The following PLAGL1 variants were observed in gnomAD, a reference collection of about 807,000 sequenced individuals.
PLAGL1 encodes the protein PLAG1 like zinc finger 1, also known as zinc finger protein PLAGL1.
PLAGL1 carries 1 observed loss-of-function variant against 4.6 expected under a neutral mutation model. That is an observed-to-expected ratio of 0.22 (90% confidence interval 0.08 to 1.03). PLAGL1 has a LOEUF of 1.03. PLAGL1 is among the 50% of genes least tolerant of loss of function. The pLI is 0.58. For synonymous variants in PLAGL1, 240 were observed against 237.8 expected, an observed-to-expected ratio of 1.01 and a Z score of -0.08; for missense variants, 464 against 570.4, an observed-to-expected ratio of 0.81 and a Z score of 1.90.
intron 1 of PLAGL1, among the ~76,000 whole-genome samples, chr6:143,999,386 CA>C (rs1458912974): frequency 6.6e-6 from 1 of 152,098 alleles, no homozygotes; most frequent in Non-Finnish European, 1.5e-5. Flanking sequence ...AATGACTCTC[CA>C]AATATTCCAA....
chr6:143,993,331 A>AACACAC (rs746624620), intron 1 of PLAGL1, among the ~76,000 whole-genome samples: 6,347 of 142,266 alleles, frequency 0.045, 147 homozygotes, highest in African/African-American at 0.054. Flanking sequence ...AACAAAACAA[A>AACACAC]ACACACACAC....
chr6:144,019,854 T>C (rs1437838318), intron 1 of PLAGL1, among the ~76,000 whole-genome samples: 2 of 151,872 alleles, frequency 1.3e-5, no homozygotes, highest in African/African-American at 2.4e-5. Context: ...GTTCCTTTAT[T>C]CAAGCTGGTA....
chr6:144,050,519 T>C lies in PLAGL1; in HGVS notation c.-151+13949A>G, dbSNP rs1026056457. Among the ~76,000 whole-genome samples the C allele has an allele frequency of 1.3e-5, 2 of 152,238 alleles. No individual in the cohort carries two copies. Among genetic ancestry groups the C allele is most frequent in the African/African-American group, 2.4e-5 (1 of 41,464 alleles). On this transcript the variant is annotated intron_variant, in intron 1 of 3. Coordinates refer to the PLAGL1 transcript ENST00000437412. This position sits in a 1 kb window ranked among gnomAD's most constrained non-coding sequence, Gnocchi z 4.3. Reference sequence around the variant, plus strand: ...TGTCTCTTCTCTATGTTTATGTCTCTATTATTACATTATAGGCTTATTCTA... The same window carrying C: ...TGTCTCTTCTCTATGTTTATGTCTCCATTATTACATTATAGGCTTATTCTA...
At chr6:143,986,213 A>G (rs1381902625) in intron 1 of PLAGL1, among the ~76,000 whole-genome samples, 1 of 151,922 alleles carries the variant, frequency 6.6e-6, no homozygotes, top group African/African-American at 2.4e-5. Flanking sequence ...AGATGTTTTG[A>G]TGTCATCATT....
rs898364106 is a variant in PLAGL1, at chr6:144,050,380, G to A, written c.-151+14088C>T. 1.3e-5 allele frequency among the ~76,000 whole-genome samples: 2 copies of A among 152,154 alleles called. No homozygotes were observed. The highest frequency in any genetic ancestry group is 4.8e-5 in the African/African-American group (2 of 41,426). On this transcript the variant is annotated intron_variant, in intron 1 of 3. Transcript: ENST00000437412. This position sits in a 1 kb window ranked among gnomAD's most constrained non-coding sequence, Gnocchi z 4.3. ...AGAAGGTCTTTGATACCAGCAACCA[G>A]GGCTTGCTCGGCTTTCCTGCCCAAA...
At chr6:144,007,563 C>T (rs1794523102) in intron 1 of PLAGL1, 1 of 152,198 alleles carries the variant, frequency 6.6e-6, no homozygotes, top group African/African-American at 2.4e-5. Flanking sequence ...CGGAGACTAA[C>T]AGAAGTCGCA....
intron 1 of PLAGL1, among the ~76,000 whole-genome samples, chr6:144,040,051 G>T (rs547960444): frequency 6.6e-6 from 1 of 152,138 alleles, no homozygotes; most frequent in South Asian, 2.1e-4. Flanking sequence ...GATGAACAAG[G>T]TTAGAAAATG....
At chr6:143,977,119 G>A (rs1416358415) in intron 2 of PLAGL1, among the ~76,000 whole-genome samples, 2 of 125,560 alleles carry the variant, frequency 1.6e-5, no homozygotes, top group Non-Finnish European at 3.2e-5. Flanking sequence ...CTCCATTATC[G>A]ACATCCCCCA....
Position 143,942,514 on chromosome 6 carries a change from T to G in PLAGL1, c.302A>C (p.Asn101Thr), listed in dbSNP as rs746660705. ...GTGCCTCTTATAGCCCAGCATGGTG[T>G]TGTACTTCTTCCCACACTCCTCACA... ...FGCEECGKKY[N>T]TMLGYKRHLA... Residue 101 changes from asparagine to threonine, a missense_variant, in exon 8 of 8, where the codon AAC (asparagine) becomes ACC (threonine). Around this residue, in one of 4 missense-constraint regions of PLAGL1, gnomAD observed 161 missense variants for 196.7 expected, o/e 0.82. Transcript: ENST00000674357. This position sits in a 1 kb window ranked among gnomAD's most constrained non-coding sequence, Gnocchi z 7.6. The G allele has an allele frequency of 5.6e-6, 9 of 1,613,974 alleles. No homozygotes were observed. In the East Asian group the frequency reaches 1.1e-4, roughly 20 times the overall value.
At chr6:144,030,842 TG>T (rs1796769124) in intron 1 of PLAGL1, among the ~76,000 whole-genome samples, 1 of 152,246 alleles carries the variant, frequency 6.6e-6, no homozygotes, top group African/African-American at 2.4e-5. Flanking sequence ...TCTTTTCCTC[TG>T]GGTAGATACC....
rs1793888433 is a variant in PLAGL1, at chr6:144,005,141, A to G, written c.-584+2949T>C. ...AACCATAAAGCAATTCTCGAATTTCAAAGAATTGTTGGCCTTGACACGTAT... is the reference window on the plus strand; with the variant it reads ...AACCATAAAGCAATTCTCGAATTTCGAAGAATTGTTGGCCTTGACACGTAT... On this transcript the variant is annotated intron_variant, in intron 1 of 7. Coordinates refer to ENST00000674357, the MANE Select transcript of PLAGL1 (RefSeq NM_001317162.2). This position sits in a 1 kb window ranked among gnomAD's most constrained non-coding sequence, Gnocchi z 4.6. 6.6e-6 allele frequency: 1 copy of G among 152,106 alleles called. No homozygotes were observed. Among genetic ancestry groups the G allele is most frequent in the Non-Finnish European group, 1.5e-5 (1 of 67,988 alleles). The allele number at this position is 152,106 out of a possible 1,614,324, so 9.4% of individuals were successfully genotyped here.
In PLAGL1 at chr6:143,970,099, T is replaced by C. The variant is rs1352512579; in HGVS notation, c.-543-1121A>G. On this transcript the variant is annotated intron_variant, in intron 2 of 7. Transcript: ENST00000674357. The surrounding 1 kb of genome is among the most constrained non-coding windows in gnomAD (Gnocchi z 5.8). ...AGTGCAATCCAATTGGATGAATACT[T>C]GAGCACCAACCCTAAGTAACCTCCT... Among the ~76,000 whole-genome samples the C allele has an allele frequency of 2.0e-5, 3 of 152,248 alleles. No individual in the cohort carries two copies. Among genetic ancestry groups the C allele is most frequent in the African/African-American group, 7.2e-5 (3 of 41,470 alleles).
At chr6:144,060,708 T>C (rs892335707) in intron 1 of PLAGL1, among the ~76,000 whole-genome samples, 7 of 152,214 alleles carry the variant, frequency 4.6e-5, no homozygotes, top group African/African-American at 1.7e-4. Context: ...ATTCACACTT[T>C]TCCATTCCAA....
chr6:144,062,089 C>T (rs968155546), intron 1 of PLAGL1, among the ~76,000 whole-genome samples: 2 of 152,088 alleles, frequency 1.3e-5, no homozygotes, highest in Admixed American at 1.3e-4. Flanking sequence ...AAAAAACAGA[C>T]ATCATGGGCC....
intron 1 of PLAGL1, among the ~76,000 whole-genome samples, chr6:144,030,254 C>G (rs1289276108): frequency 2.2e-5 from 1 of 44,560 alleles, no homozygotes; most frequent in Non-Finnish European, 3.9e-5. Context: ...GACTCCGTCT[C>G]AAAAAAAAAA....
chr6:144,060,950 G>T (rs1799343493), intron 1 of PLAGL1, among the ~76,000 whole-genome samples: 1 of 152,160 alleles, frequency 6.6e-6, no homozygotes, highest in African/African-American at 2.4e-5. Context: ...AAGTTAGAGG[G>T]GTTCCCCCTT....
At chr6:144,003,290 T>C (rs904084659) in intron 1 of PLAGL1, among the ~76,000 whole-genome samples, 6 of 151,964 alleles carry the variant, frequency 3.9e-5, no homozygotes, top group Non-Finnish European at 1.5e-5. Flanking sequence ...CAGCTAAAAC[T>C]ATAAAGTTTC....
At chr6:143,998,675 C>T (rs1170589696) in intron 1 of PLAGL1, among the ~76,000 whole-genome samples, 1 of 151,788 alleles carries the variant, frequency 6.6e-6, no homozygotes, top group Non-Finnish European at 1.5e-5. Context: ...TTAACAAGGG[C>T]TATAGATTAT....
intron 1 of PLAGL1, among the ~76,000 whole-genome samples, chr6:144,060,845 C>A (rs1175071855): frequency 1.3e-5 from 2 of 152,218 alleles, no homozygotes; most frequent in African/African-American, 4.8e-5. Flanking sequence ...AATATTATTT[C>A]TGACACCAGA....
Sources: allele counts gnomAD v4.1 joint callset (sites outside exome capture counted in the v4.1 genomes callset), GRCh38; gene constraint gnomAD v4.1.1; regional missense constraint gnomAD v4.1.1; non-coding constraint Gnocchi (gnomAD v3.1); transcripts MANE v1.5; gene names NCBI Gene and HGNC (gene_info 2026-07-23, HGNC 2026-07-21).